The following SMIM27 variants were observed in gnomAD, a reference collection of about 807,000 sequenced individuals.
The protein encoded by SMIM27 is TOPORS antisense RNA 1 (non-protein coding).
A neutral mutation model predicts 1.8 loss-of-function variants in SMIM27; 3 were observed. That is an observed-to-expected ratio of 1.65 (90% CI 0.75 to 4.28). The LOEUF (loss-of-function observed/expected upper bound fraction) is 4.28. SMIM27 is among the 30% of genes most tolerant of loss of function. The pLI is 0.02. For missense variants in SMIM27, 63 were observed against 37.0 expected, an observed-to-expected ratio of 1.70 and a Z score of -1.83; for synonymous variants, 19 against 13.9, an observed-to-expected ratio of 1.37 and a Z score of -0.82.
chr9:32,551,775 A>C (rs1386332874), upstream of SMIM27: 8 of 451,362 alleles, frequency 1.8e-5, no homozygotes, highest in Admixed American at 4.7e-5. Context: ...ACGCTCAACA[A>C]ACACTTGTTG....
At chr9:32,558,666 C>T (rs1821540266) in intron 1 of SMIM27, among the ~76,000 whole-genome samples, 1 of 152,198 alleles carries the variant, frequency 6.6e-6, no homozygotes, top group Non-Finnish European at 1.5e-5. Flanking sequence ...GGTCACAAAA[C>T]ACGTTTTACA....
At chr9:32,565,123 T>C (rs1166786810) in intron 1 of SMIM27, among the ~76,000 whole-genome samples, 1 of 151,994 alleles carries the variant, frequency 6.6e-6, no homozygotes, top group Non-Finnish European at 1.5e-5. Context: ...CAAAACCTCA[T>C]CTCTGCTAAA....
chr9:32,564,857 T>G (rs943948817), intron 1 of SMIM27, among the ~76,000 whole-genome samples: 1 of 152,238 alleles, frequency 6.6e-6, no homozygotes, highest in Admixed American at 6.5e-5. Flanking sequence ...TTTTGCACTA[T>G]GTAAATGTAT....
chr9:32,552,242 G>A, upstream of SMIM27: 2 of 706,582 alleles, frequency 2.8e-6, no homozygotes, highest in Non-Finnish European at 2.4e-6. Flanking sequence ...AGGCGGGCAA[G>A]GCCCCCGATC....
intron 1 of SMIM27, among the ~76,000 whole-genome samples, chr9:32,562,412 G>C (rs116752901): frequency 7.3e-4 from 111 of 152,272 alleles, no homozygotes; most frequent in African/African-American, 2.6e-3. Flanking sequence ...CAATCAAAGA[G>C]AGTAAGTTAT....
chr9:32,554,073 C>G, downstream of SMIM27: 1 of 555,182 alleles, frequency 1.8e-6, no homozygotes, highest in South Asian at 3.3e-5. Flanking sequence ...TTTAAAAGGA[C>G]CCTAGACAAA....
In SMIM27 at chr9:32,552,496, G is replaced by C; in HGVS notation, c.45+17G>C. ...TATTCAGTGGTAAGTCCCGGGGATC[G>C]CGGGCCCCCACCGTGTCGACTCACT... is the stretch of plus-strand genomic sequence containing the variant. On this transcript the variant is annotated intron_variant, in intron 1 of 1. Transcript: ENST00000692500. 1 of 1,576,538 alleles carries C rather than the reference G, an allele frequency of 6.3e-7. No individual in the cohort carries two copies. Among genetic ancestry groups the C allele is most frequent in the Non-Finnish European group, 8.6e-7 (1 of 1,161,124 alleles).
Position 32,552,439 on chromosome 9 carries a change from A to T in SMIM27, c.5A>T (p.Lys2Met). 6.2e-7 allele frequency: 1 copy of T among 1,608,600 alleles called. No homozygotes were observed. The highest frequency in any genetic ancestry group is 1.7e-5 in the Admixed American group (1 of 59,480). M[K>M]PVSRRTLDWI... ...GACTGCTGCCGCCTCCTTACCATGA[A>T]GCCAGTAAGTCGTCGCACGCTGGAC... Residue 2 changes from lysine to methionine, a missense_variant, in exon 1 of 2, where the codon AAG becomes ATG. By Grantham distance (95) the Lys-to-Met change is moderately conservative. Coordinates refer to ENST00000692500, the MANE Select transcript of SMIM27 (RefSeq NM_001387564.1).
intron 1 of SMIM27, among the ~76,000 whole-genome samples, chr9:32,558,152 C>T (rs1821523644): frequency 6.9e-6 from 1 of 144,894 alleles, no homozygotes; most frequent in Admixed American, 7.0e-5. Flanking sequence ...CGCTCTGTCA[C>T]CCAGGCTGGA....
chr9:32,556,366 C>T (rs530408030), downstream of SMIM27, among the ~76,000 whole-genome samples: 1 of 152,352 alleles, frequency 6.6e-6, no homozygotes, highest in Non-Finnish European at 1.5e-5. Context: ...GACATCCTGC[C>T]GTATCTTTGT....
In SMIM27 at chr9:32,552,955, T is replaced by G; in HGVS notation, c.*32T>G. ...TGGATTTAATTATCTGAAAATACAGTTCTTTCCCTCATGCTTATGTAGATA... is the reference window on the plus strand; with the variant it reads ...TGGATTTAATTATCTGAAAATACAGGTCTTTCCCTCATGCTTATGTAGATA... On this transcript the variant is annotated 3_prime_UTR_variant, in exon 2 of 2. Coordinates refer to ENST00000692500, the MANE Select transcript of SMIM27 (RefSeq NM_001387564.1). The G allele has an allele frequency of 1.5e-6, 1 of 687,896 alleles. No homozygotes were observed. Among genetic ancestry groups the G allele is most frequent in the Non-Finnish European group, 2.6e-6 (1 of 378,874 alleles). 42.6% of individuals were successfully genotyped at this position (687,896 alleles called of 1,614,324 possible).
rs78045271 is a variant in SMIM27 at position 32,563,005 on chromosome 9, T to G, written c.46-3386T>G. Reference sequence around the variant, plus strand: ...TCTTTAACATTCATGATCTTGACATTTCTGAAGGTATAATGCCAATAATGA... The same window carrying G: ...TCTTTAACATTCATGATCTTGACATGTCTGAAGGTATAATGCCAATAATGA... On this transcript the variant is annotated intron_variant, in intron 1 of 1. Transcript: ENST00000451672. Among the ~76,000 whole-genome samples the G allele has an allele frequency of 4.0e-3, 604 of 152,350 alleles. 1 individual carries two copies. The highest frequency in any genetic ancestry group is 6.0e-3 in the South Asian group (29 of 4,832).
chr9:32,558,791 G>A (rs965933068), intron 1 of SMIM27: 1 of 616,058 alleles, frequency 1.6e-6, no homozygotes, highest in Admixed American at 2.9e-5. Flanking sequence ...ACACAAAACA[G>A]GGACTTAAAC....
chr9:32,563,490 G>GTTTTTTTTTT (rs1239149080), intron 1 of SMIM27, among the ~76,000 whole-genome samples: 1 of 47,562 alleles, frequency 2.1e-5, no homozygotes, highest in Admixed American at 1.7e-4. Context: ...GGACTATTGG[G>GTTTTTTTTTT]CTTTTTTTTT....
downstream of SMIM27, among the ~76,000 whole-genome samples, chr9:32,555,342 G>A (rs912995582): frequency 6.6e-6 from 1 of 152,220 alleles, no homozygotes; most frequent in African/African-American, 2.4e-5. Context: ...CTGAGCAACA[G>A]AAGCCCAATA....
intron 1 of SMIM27, 21 bp from the exon 2 acceptor site, chr9:32,552,780 C>T (rs1821331431): frequency 1.4e-6 from 1 of 699,482 alleles, no homozygotes; most frequent in East Asian, 2.7e-5. Flanking sequence ...TTTCACACCT[C>T]CTTTGCGATT....
chr9:32,553,678 G>C (rs1480914496), downstream of SMIM27: 1 of 523,858 alleles, frequency 1.9e-6, no homozygotes, highest in East Asian at 3.3e-5. Context: ...AAAGTAGGTA[G>C]TCTCTCATAT....
At position 32,552,473 on chromosome 9, in the gene SMIM27, T is replaced by C. The variant is rs1239003455; in HGVS notation, c.39T>C (p.Tyr13=). 6.3e-7 allele frequency: 1 copy of C among 1,598,646 alleles called. No individual in the cohort carries two copies. Among genetic ancestry groups the C allele is most frequent in the East Asian group, 2.3e-5 (1 of 44,404 alleles). Residue 13 remains tyrosine (Y), a synonymous_variant, in exon 1 of 2, where the codon TAT becomes TAC. Transcript: ENST00000692500. ...PVSRRTLDWI[Y]SVLLLAIVLI... is the part of the protein sequence containing the mutation. ...GTCGTCGCACGCTGGACTGGATTTA[T>C]TCAGTGGTAAGTCCCGGGGATCGCG...
chr9:32,551,798 A>G (rs1563987829), upstream of SMIM27: 1 of 453,142 alleles, frequency 2.2e-6, no homozygotes, highest in Admixed American at 2.4e-5. Flanking sequence ...TGACTGATAC[A>G]TTATGGCGGG....
Sources: allele counts gnomAD v4.1 joint callset (sites outside exome capture counted in the v4.1 genomes callset), GRCh38; gene constraint gnomAD v4.1.1; transcripts MANE v1.5; gene names NCBI Gene and HGNC (gene_info 2026-07-23, HGNC 2026-07-21).